HPS4: variants seen among roughly 807,000 people sequenced by gnomAD.
HPS4 encodes the protein BLOC-3 complex member HPS4.
Under a neutral mutation model 70.3 loss-of-function variants are expected in HPS4, and 44 were observed. That is an observed-to-expected ratio of 0.63 (90% CI 0.49 to 0.80). HPS4 has a LOEUF of 0.80. HPS4 is among the 30% of genes least tolerant of loss of function. The pLI is 0.00. For synonymous variants in HPS4, 377 were observed against 355.9 expected (o/e 1.06, Z -0.67); for missense variants, 873 against 884.4 (o/e 0.99, Z 0.16).
intron 13 of HPS4, among the ~76,000 whole-genome samples, chr22:26,455,713 G>C (rs1001934418): frequency 3.3e-5 from 5 of 151,550 alleles, no homozygotes; most frequent in African/African-American, 9.7e-5. Flanking sequence ...CACAGCACAT[G>C]TACCCTAAAA....
Position 26,453,258 on chromosome 22 carries a change from A to C in HPS4, c.2102T>G (p.Leu701Arg). The C allele has an allele frequency of 6.2e-7, 1 of 1,614,214 alleles. No individual in the cohort carries two copies. The highest frequency in any genetic ancestry group is 8.5e-7 in the Non-Finnish European group (1 of 1,180,040). ...TCAGAGCAAGTTCACCCCGTGCTTC[A>C]GCAGCTTCTGCTTTGCTTTGCCGGA... ...SLSGKAKQKL[L>R]KHGVNLL The change falls in exon 14 of 14, where the codon CTG (leucine) becomes CGG (arginine). Residue 701 changes from leucine (L) to arginine (R), a missense_variant. Transcript: ENST00000398145.
chr22:26,480,981 T>C (rs886309760), intron 2 of HPS4, among the ~76,000 whole-genome samples: 1 of 152,086 alleles, frequency 6.6e-6, no homozygotes, highest in Non-Finnish European at 1.5e-5. Flanking sequence ...TCTTTCCCAA[T>C]ACCTAAGGCT....
rs77795764 is a variant in HPS4, at chr22:26,481,643, G to A, written c.41+79C>T. The A allele has an allele frequency of 4.2e-5, 54 of 1,295,220 alleles. No individual in the cohort carries two copies. The Middle Eastern group carries it at 7.4e-4, about 18-fold the overall frequency. The allele number at this position is 1,295,220 out of a possible 1,614,324, so 80.2% of individuals were successfully genotyped here. The stretch of plus-strand genomic sequence containing the variant: ...ATGTTAATAAAATTAACACAATCTG[G>A]CTGGGGATTTTCAATTAACCCCAAA... On this transcript the variant is annotated intron_variant, in intron 2 of 13. Coordinates refer to ENST00000398145, the MANE Select transcript of HPS4 (RefSeq NM_022081.6).
chr22:26,462,130 A>G (rs2087413935), intron 11 of HPS4, among the ~76,000 whole-genome samples: 1 of 149,814 alleles, frequency 6.7e-6, no homozygotes, highest in African/African-American at 2.4e-5. Context: ...CCATCTCAAA[A>G]AAAAAAAAAA....
chr22:26,467,469 A>G (rs1400777242), intron 8 of HPS4: 1 of 152,240 alleles, frequency 6.6e-6, no homozygotes, highest in Non-Finnish European at 1.5e-5. Flanking sequence ...AGTTTTGAGT[A>G]TAAATTTTTT....
chr22:26,474,820 A>G lies in HPS4; in HGVS notation c.277-1881T>C, dbSNP rs141129978. 3.4e-4 allele frequency among the ~76,000 whole-genome samples: 52 copies of G among 152,366 alleles called. No individual in the cohort carries two copies. In the East Asian group the frequency reaches 9.6e-3, roughly 28 times the overall value. ...AGATATTCAAGTGGTCATTAAGCACATGAAAAGGCCTCACTATCATTAGTC... is the reference window on the plus strand; with the variant it reads ...AGATATTCAAGTGGTCATTAAGCACGTGAAAAGGCCTCACTATCATTAGTC... On this transcript the variant is annotated intron_variant, in intron 4 of 13. Coordinates refer to ENST00000398145, the MANE Select transcript of HPS4 (RefSeq NM_022081.6).
intron 3 of HPS4, 144 bp from the exon 4 acceptor site, chr22:26,477,280 CT>C: frequency 1.2e-6 from 1 of 821,122 alleles, no homozygotes; most frequent in Non-Finnish European, 2.0e-6. Context: ...GGTTCTTATA[CT>C]TTTTAAAGGT....
intron 6 of HPS4, chr22:26,471,363 G>C (rs1263329054): frequency 8.8e-6 from 4 of 456,098 alleles, no homozygotes; most frequent in African/African-American, 8.0e-5. Flanking sequence ...CACATTCCTT[G>C]TATGGAGTCA....
intron 8 of HPS4, chr22:26,466,840 C>A (rs187201606): frequency 6.3e-6 from 1 of 158,846 alleles, no homozygotes; most frequent in Admixed American, 6.0e-5. Flanking sequence ...CCCACCAAAA[C>A]AAAACCAAAC....
At chr22:26,450,350 C>T (rs1340766809), downstream of HPS4, among the ~76,000 whole-genome samples, 3 of 152,148 alleles carry the variant, frequency 2.0e-5, no homozygotes, top group Non-Finnish European at 4.4e-5. Context: ...AGTAACTGGG[C>T]GGCATGGGAA....
chr22:26,464,183 G>A lies in HPS4; in HGVS notation c.1447C>T (p.Leu483Phe). The A allele has an allele frequency of 2.5e-6, 4 of 1,614,232 alleles. No homozygotes were observed. Among genetic ancestry groups the A allele is most frequent in the Non-Finnish European group, 2.5e-6 (3 of 1,180,048 alleles). The stretch of plus-strand genomic sequence containing the variant: ...TCCAGGCCTTGTTCCCCCGTGGGAA[G>A]CTTGTTTCCTCTCTGTCCTGGATCT... ...RLDPGQRGNK[L>F]PTGEQGLDED... The change falls in exon 11 of 14, where the codon CTT (leucine) becomes TTT (phenylalanine). Residue 483 changes from leucine to phenylalanine, a missense_variant. Physicochemically the swap from Leu to Phe is conservative, Grantham distance 22. Coordinates refer to ENST00000398145, the MANE Select transcript of HPS4 (RefSeq NM_022081.6).
chr22:26,454,342 TATTACTTCCTA>T lies in HPS4; in HGVS notation c.1956-949_1956-939del, dbSNP rs1258202760. Reference sequence around the variant, plus strand: ...CACACTCAGGTGCTAATCCCAGCCCTATTACTTCCTAGTGTGTGTCCTGGGCTGCTATTCAA... The same window carrying T: ...CACACTCAGGTGCTAATCCCAGCCCTGTGTGTGTCCTGGGCTGCTATTCAA... On this transcript the variant is annotated intron_variant, in intron 13 of 13. Transcript: ENST00000398145. Among the ~76,000 whole-genome samples the T allele has an allele frequency of 2.0e-5, 3 of 152,376 alleles. No homozygotes were observed. In the East Asian group the frequency reaches 5.8e-4, roughly 29 times the overall value.
chr22:26,477,648 T>C (rs1228844661), intron 3 of HPS4, among the ~76,000 whole-genome samples: 1 of 152,156 alleles, frequency 6.6e-6, no homozygotes, highest in Admixed American at 6.6e-5. Context: ...AGCCAGACAG[T>C]ATGGGATACA....
Position 26,452,914 on chromosome 22 carries a change from A to G in HPS4, c.*319T>C. On this transcript the variant is annotated 3_prime_UTR_variant, in exon 14 of 14. Transcript: ENST00000398145. The stretch of plus-strand genomic sequence containing the variant: ...CTTGGAAGCTTGTGGCACCAATTCA[A>G]GCTGGGATGGAACAGCAGGAGATAT... The G allele has an allele frequency of 2.8e-6, 1 of 351,544 alleles. No individual in the cohort carries two copies. The highest frequency in any genetic ancestry group is 2.7e-5 in the South Asian group (1 of 36,876). 21.8% of individuals were successfully genotyped at this position (351,544 alleles called of 1,614,324 possible). A position where few individuals can be genotyped will look rare whatever the true frequency, so the allele number is the denominator to read the frequency against.
chr22:26,470,747 G>A lies in HPS4; in HGVS notation c.568C>T (p.Leu190Phe). The A allele has an allele frequency of 6.2e-7, 1 of 1,614,180 alleles. No homozygotes were observed. Among genetic ancestry groups the A allele is most frequent in the African/African-American group, 1.3e-5 (1 of 75,058 alleles). Reference sequence around the variant, plus strand: ...CCTTTATAGAGGATGCAGCCAGCGAGAATGTGAGGCGAGCGCTGGCAGGTC... The same window carrying A: ...CCTTTATAGAGGATGCAGCCAGCGAAAATGTGAGGCGAGCGCTGGCAGGTC... ...LQTCQRSPHILAGCILYKGLI... is the reference protein window; with the variant it reads ...LQTCQRSPHIFAGCILYKGLI... Residue 190 changes from leucine (L) to phenylalanine (F), a missense_variant, in exon 7 of 14, where the codon CTC becomes TTC. Coordinates refer to ENST00000398145, the MANE Select transcript of HPS4 (RefSeq NM_022081.6).
rs1980729774 is a variant in HPS4 at position 26,450,993 on chromosome 22, G to A, written c.*2240C>T. ...ACCTTTATCCTTACAGTTCACAGGT[G>A]GCAGATGGCTGGCACAGAGGAAGCC... On this transcript the variant is annotated 3_prime_UTR_variant, in exon 14 of 14. Coordinates refer to ENST00000398145, the MANE Select transcript of HPS4 (RefSeq NM_022081.6). Among the ~76,000 whole-genome samples, 1 of 152,184 alleles carries A rather than the reference G, an allele frequency of 6.6e-6. No homozygotes were observed. The highest frequency in any genetic ancestry group is 2.1e-4 in the South Asian group (1 of 4,826).
intron 3 of HPS4, among the ~76,000 whole-genome samples, chr22:26,445,192 A>C (rs2146146113): frequency 6.6e-6 from 1 of 152,218 alleles, no homozygotes; most frequent in Admixed American, 6.5e-5. Context: ...AAACTAGCTG[A>C]GTGTGGTGGT....
chr22:26,448,882 C>T (rs1420909368), downstream of HPS4, among the ~76,000 whole-genome samples: 1 of 152,154 alleles, frequency 6.6e-6, no homozygotes. Context: ...GGGTCTGACA[C>T]CTGCCCTCCC....
chr22:26,448,281 TC>T (rs1320301242), downstream of HPS4, among the ~76,000 whole-genome samples: 1 of 152,226 alleles, frequency 6.6e-6, no homozygotes, highest in Non-Finnish European at 1.5e-5. Context: ...TACATCCATT[TC>T]CTTCTCCTGT....
Sources: allele counts gnomAD v4.1 joint callset (sites outside exome capture counted in the v4.1 genomes callset), GRCh38; gene constraint gnomAD v4.1.1; transcripts MANE v1.5; gene names NCBI Gene and HGNC (gene_info 2026-07-23, HGNC 2026-07-21).